CCDC198: variants seen among roughly 807,000 people sequenced by gnomAD.
CCDC198 encodes coiled-coil domain containing 198.
CCDC198 carries 18 observed loss-of-function variants against 35.6 expected under a neutral mutation model. The ratio of observed to expected loss-of-function variants is 0.51; its 90% CI spans 0.35 to 0.75. The LOEUF (loss-of-function observed/expected upper bound fraction) is 0.75, where lower values mean the gene tolerates loss of function less well. CCDC198 is among the 30% of genes least tolerant of loss of function. The pLI is 0.01. For missense variants in CCDC198, 365 were observed against 343.7 expected (o/e 1.06, Z -0.49); for synonymous variants, 119 against 113.4 (o/e 1.05, Z -0.31).
intron 1 of CCDC198, 91 bp downstream of exon 1, chr14:57,493,402 A>G: frequency 8.8e-7 from 1 of 1,130,056 alleles, no homozygotes. Flanking sequence ...GAATTTAGAA[A>G]CTTTCTGAGA....
chr14:57,490,944 T>G, intron 2 of CCDC198, 45 bp downstream of exon 2: 1 of 1,453,922 alleles, frequency 6.9e-7, no homozygotes, highest in Non-Finnish European at 9.6e-7. Flanking sequence ...GATGTTACCA[T>G]TTTATCCAAG....
intron 2 of CCDC198, among the ~76,000 whole-genome samples, chr14:57,484,143 A>G (rs2067278043): frequency 6.6e-6 from 1 of 152,196 alleles, no homozygotes; most frequent in African/African-American, 2.4e-5. Context: ...CTCCCCACAA[A>G]ATTCATATGT....
At chr14:57,490,836 A>C in intron 2 of CCDC198, 153 bp downstream of exon 2, 2 of 720,072 alleles carry the variant, frequency 2.8e-6, no homozygotes, top group Non-Finnish European at 4.4e-6. Context: ...TTAAAGTAAT[A>C]GAGTATTTGC....
At chr14:57,473,176 G>A (rs1339266108) in intron 5 of CCDC198, among the ~76,000 whole-genome samples, 1 of 152,028 alleles carries the variant, frequency 6.6e-6, no homozygotes, top group African/African-American at 2.4e-5. Flanking sequence ...TGATTTCTTG[G>A]GCCTCAGTGA....
At chr14:57,489,060 A>C (rs975405417) in intron 2 of CCDC198, among the ~76,000 whole-genome samples, 1 of 152,186 alleles carries the variant, frequency 6.6e-6, no homozygotes, top group Non-Finnish European at 1.5e-5. Context: ...TCTATTATAA[A>C]GATACATCGA....
Position 57,469,990 on chromosome 14 carries a change from A to C in CCDC198, c.*1365T>G, listed in dbSNP as rs1220042888. On this transcript the variant is annotated 3_prime_UTR_variant, in exon 6 of 6. Transcript: ENST00000216445. Reference sequence around the variant, plus strand: ...TGAAATTATTTTTAGATTATGCTAAACATGGAGCTGCATTTTACACAAAAG... The same window carrying C: ...TGAAATTATTTTTAGATTATGCTAACCATGGAGCTGCATTTTACACAAAAG... 2.0e-5 allele frequency: 3 copies of C among 152,218 alleles called. No homozygotes were observed. The highest frequency in any genetic ancestry group is 4.4e-5 in the Non-Finnish European group (3 of 68,038). The allele number at this position is 152,218 out of a possible 1,614,324, so 9.4% of individuals were successfully genotyped here. A position where few individuals can be genotyped will look rare whatever the true frequency, so the allele number is the denominator to read the frequency against.
At chr14:57,474,333 G>T (rs1470527593) in intron 5 of CCDC198, among the ~76,000 whole-genome samples, 1 of 152,190 alleles carries the variant, frequency 6.6e-6, no homozygotes, top group Admixed American at 6.5e-5. Context: ...AATCATCTCT[G>T]CTCTGCAAAT....
intron 2 of CCDC198, among the ~76,000 whole-genome samples, chr14:57,487,529 G>A (rs1285159637): frequency 6.6e-6 from 1 of 152,130 alleles, no homozygotes; most frequent in African/African-American, 2.4e-5. Context: ...ATAAGAAGGT[G>A]ATCAGGCCAG....
At chr14:57,492,976 G>A (rs1222413305) in intron 1 of CCDC198, among the ~76,000 whole-genome samples, 2 of 151,950 alleles carry the variant, frequency 1.3e-5, no homozygotes, top group African/African-American at 4.8e-5. Context: ...TTGGGAAAAG[G>A]GTGACTCATC....
Position 57,480,601 on chromosome 14 carries a change from C to A in CCDC198, c.649G>T (p.Gly217Cys), listed in dbSNP as rs149520479. ...AAAATTGTACATGACTCACCGGGAC[C>A]TCTGTTCAAGATTTCATCAGGCAAC... is the stretch of plus-strand genomic sequence containing the variant. Reference protein sequence around the residue: ...TMLPDEILNRGPGNSKNTEFL... With the variant: ...TMLPDEILNRCPGNSKNTEFL... The change falls in exon 5 of 6, where the codon GGT (glycine) becomes TGT (cysteine). Residue 217 changes from glycine (G) to cysteine (C), a missense_variant. Coordinates refer to ENST00000216445, the MANE Select transcript of CCDC198 (RefSeq NM_018168.4). 1.2e-6 allele frequency: 2 copies of A among 1,613,606 alleles called. No homozygotes were observed. The highest frequency in any genetic ancestry group is 1.7e-6 in the Non-Finnish European group (2 of 1,179,900).
intron 5 of CCDC198, among the ~76,000 whole-genome samples, chr14:57,477,394 A>T (rs942924947): frequency 6.6e-6 from 1 of 152,190 alleles, no homozygotes; most frequent in Non-Finnish European, 1.5e-5. Context: ...CTAGTTAATT[A>T]TGATATCATT....
At chr14:57,483,244 A>G (rs908793408) in intron 2 of CCDC198, 93 bp from the exon 3 acceptor site, 4 of 1,581,546 alleles carry the variant, frequency 2.5e-6, no homozygotes, top group Non-Finnish European at 2.6e-6. Context: ...AACACTTTGC[A>G]AAAGCGGCAC....
chr14:57,476,807 T>A (rs1402848454), intron 5 of CCDC198, among the ~76,000 whole-genome samples: 1 of 152,224 alleles, frequency 6.6e-6, no homozygotes. Context: ...CAGACCCTGA[T>A]AGTAGAATGC....
At position 57,469,881 on chromosome 14, in the gene CCDC198, T is replaced by A. The variant is rs2139447801; in HGVS notation, c.*1474A>T. The A allele has an allele frequency of 6.6e-6, 1 of 152,268 alleles. No individual in the cohort carries two copies. The highest frequency in any genetic ancestry group is 1.5e-5 in the Non-Finnish European group (1 of 68,014). The allele number at this position is 152,268 out of a possible 1,614,324, so 9.4% of individuals were successfully genotyped here. A position where few individuals can be genotyped will look rare whatever the true frequency, so the allele number is the denominator to read the frequency against. ...CCTCTATTTTTTTCTGTTTTTGGAG[T>A]CTTCCCATATAAGGCACAAAAGGGT... On this transcript the variant is annotated 3_prime_UTR_variant, in exon 6 of 6. Coordinates refer to ENST00000216445, the MANE Select transcript of CCDC198 (RefSeq NM_018168.4).
Position 57,469,531 on chromosome 14 carries a change from G to A in CCDC198, c.*1824C>T, listed in dbSNP as rs940160031. 1 of 152,152 alleles carries A rather than the reference G, an allele frequency of 6.6e-6. No homozygotes were observed. The highest frequency in any genetic ancestry group is 1.5e-5 in the Non-Finnish European group (1 of 68,016). The allele number at this position is 152,152 out of a possible 1,614,324, so 9.4% of individuals were successfully genotyped here. A position where few individuals can be genotyped will look rare whatever the true frequency, so the allele number is the denominator to read the frequency against. On this transcript the variant is annotated 3_prime_UTR_variant, in exon 6 of 6. Coordinates refer to ENST00000216445, the MANE Select transcript of CCDC198 (RefSeq NM_018168.4). ...CAAAGTTATCCATCCCATTTTTTGT[G>A]TTTTAAGCCTTCCAAATTGACCACA...
Position 57,491,023 on chromosome 14 carries a change from C to CAAA in CCDC198, c.271_272insTTT (p.Ser91delinsIleCys). The CAAA allele has an allele frequency of 6.2e-7, 1 of 1,609,518 alleles. No homozygotes were observed. The highest frequency in any genetic ancestry group is 8.5e-7 in the Non-Finnish European group (1 of 1,176,398). The stretch of plus-strand genomic sequence containing the variant: ...TTGGGGTGGATGCCTTTTAATAATA[C>CAAA]TTGTTTCTCTGTGTTCCAGTGGGAT... On this transcript the variant is annotated protein_altering_variant, in exon 2 of 6. Transcript: ENST00000216445.
chr14:57,478,824 A>C, intron 5 of CCDC198: 2 of 1,128,788 alleles, frequency 1.8e-6, no homozygotes, highest in South Asian at 2.1e-5. Flanking sequence ...TTATTGATCG[A>C]GCGTCTTGTT....
At position 57,481,659 on chromosome 14, in the gene CCDC198, T is replaced by A; in HGVS notation, c.395A>T (p.Gln132Leu). ...AGTTTGCATTTTCTTTTCTAGTACC[T>A]GCTATGAAAGACAACACACTTGTTA... ...REARTMHKAK[Q>L]VLEKKMQTPM... The change falls in exon 4 of 6, where the codon CAG becomes CTG. Residue 132 changes from glutamine to leucine, a missense_variant and splice_region_variant. Transcript: ENST00000216445. 2 of 1,588,240 alleles carry A rather than the reference T, an allele frequency of 1.3e-6. No homozygotes were observed. The highest frequency in any genetic ancestry group is 1.7e-6 in the Non-Finnish European group (2 of 1,158,652).
chr14:57,483,452 C>T (rs1221001817), intron 2 of CCDC198, among the ~76,000 whole-genome samples: 2 of 152,146 alleles, frequency 1.3e-5, no homozygotes, highest in Admixed American at 6.5e-5. Context: ...CCAAAGTTAT[C>T]AAACCACCAG....
Sources: gnomAD v4.1 joint callset for allele counts (sites outside exome capture counted in the v4.1 genomes callset) on GRCh38, gnomAD v4.1.1 for gene constraint, MANE v1.5 for transcripts, NCBI Gene and HGNC (gene_info 2026-07-23, HGNC 2026-07-21) for gene names.